Variants in ROBO1 observed in about 807,000 individuals in gnomAD.
ROBO1 encodes roundabout homolog 1.
In ROBO1, 149 loss-of-function variants were observed where a neutral mutation model predicts 195.9. The ratio of observed to expected loss-of-function variants is 0.76; its 90% confidence interval spans 0.67 to 0.87. The LOEUF (loss-of-function observed/expected upper bound fraction) is 0.87, where lower values mean the gene tolerates loss of function less well. Among genes scored for constraint, ROBO1 ranks in the 40% least tolerant of loss-of-function variants. The pLI is 0.00. For synonymous variants in ROBO1, 816 were observed against 733.2 expected, an observed-to-expected ratio of 1.11 and a Z score of -1.82; for missense variants, 1,933 against 2,068.3, an observed-to-expected ratio of 0.93 and a Z score of 1.27.
intron 1 of ROBO1, among the ~76,000 whole-genome samples, chr3:79,663,447 T>C (rs1259578604): frequency 6.6e-6 from 1 of 152,048 alleles, no homozygotes; most frequent in Non-Finnish European, 1.5e-5. Context: ...TGGTAATTCC[T>C]CTCATTCTCT....
chr3:79,013,510 T>C (rs1392410201), intron 3 of ROBO1, among the ~76,000 whole-genome samples: 1 of 152,202 alleles, frequency 6.6e-6, no homozygotes, highest in Non-Finnish European at 1.5e-5. Flanking sequence ...TTCTCAAGTG[T>C]TCAAACCACA....
At chr3:79,068,110 A>G (rs1481081074) in intron 3 of ROBO1, among the ~76,000 whole-genome samples, 1 of 151,970 alleles carries the variant, frequency 6.6e-6, no homozygotes, top group Non-Finnish European at 1.5e-5. Flanking sequence ...TATTGGCCAC[A>G]TGAACAATCC....
At chr3:79,293,080 C>T (rs1406942815) in intron 2 of ROBO1, among the ~76,000 whole-genome samples, 1 of 152,116 alleles carries the variant, frequency 6.6e-6, no homozygotes, top group Non-Finnish European at 1.5e-5. Context: ...TTCAGGGATT[C>T]GTCTTCTTCC....
In ROBO1 at chr3:78,874,064, G is replaced by C. The variant is rs181647478; in HGVS notation, c.499+64537C>G. ...ACTTCAATTACTAACCTTAAAGTAT[G>C]AGCAACGGGCATAAGCAAAGATTTT... On this transcript the variant is annotated intron_variant, in intron 4 of 30. Coordinates refer to ENST00000464233, the MANE Select transcript of ROBO1 (RefSeq NM_002941.4). Among the ~76,000 whole-genome samples the C allele has an allele frequency of 1.5e-3, 235 of 151,750 alleles. 2 individuals are homozygous for C. Among genetic ancestry groups the C allele is most frequent in the African/African-American group, 5.4e-3 (225 of 41,442 alleles).
In ROBO1 at chr3:79,531,466, A is replaced by G. The variant is rs373113279; in HGVS notation, c.88+58358T>C. On this transcript the variant is annotated intron_variant, in intron 2 of 30. Coordinates refer to ENST00000464233, the MANE Select transcript of ROBO1 (RefSeq NM_002941.4). ...TCAAAACCCCATCTCTACTAAAAAT[A>G]CAAACAATTAACCAGGCTTGGTGGT... is the stretch of plus-strand genomic sequence containing the variant. Among the ~76,000 whole-genome samples, 22 of 152,168 alleles carry G rather than the reference A, an allele frequency of 1.4e-4. No homozygotes were observed. The East Asian group carries it at 2.9e-3, about 20-fold the overall frequency.
intron 2 of ROBO1, among the ~76,000 whole-genome samples, chr3:79,449,502 A>G (rs2107186691): frequency 6.6e-6 from 1 of 152,290 alleles, no homozygotes; most frequent in African/African-American, 2.4e-5. Flanking sequence ...GAAAATAAAA[A>G]CGACCCTGTG....
At chr3:79,634,102 G>C (rs769135968) in intron 1 of ROBO1, among the ~76,000 whole-genome samples, 3 of 152,168 alleles carry the variant, frequency 2.0e-5, no homozygotes, top group Non-Finnish European at 2.9e-5. Context: ...GAGAGAGAAG[G>C]CTGTTGCTAA....
chr3:79,614,480 T>TA (rs1467168862), intron 1 of ROBO1, among the ~76,000 whole-genome samples: 1 of 152,098 alleles, frequency 6.6e-6, no homozygotes, highest in Non-Finnish European at 1.5e-5. Flanking sequence ...AGAGTAAAAT[T>TA]TAAAGCATTA....
At chr3:79,577,965 G>A (rs1301961595) in intron 2 of ROBO1, among the ~76,000 whole-genome samples, 1 of 151,606 alleles carries the variant, frequency 6.6e-6, no homozygotes. Context: ...CTCTTAATAA[G>A]TAGACAACCA....
intron 2 of ROBO1, among the ~76,000 whole-genome samples, chr3:79,343,867 T>C (rs762053309): frequency 1.1e-4 from 17 of 152,202 alleles, no homozygotes; most frequent in Non-Finnish European, 2.5e-4. Context: ...ACACTCTCTA[T>C]GGTCCTTGGG....
rs183450462 is a variant in ROBO1 at position 79,415,464 on chromosome 3, C to T, written c.88+174360G>A. ...TAAATAAGTACATGTGGGGCAAAAACGAGACAAGCAGAAAATGGGTGTAGT... is the reference window on the plus strand; with the variant it reads ...TAAATAAGTACATGTGGGGCAAAAATGAGACAAGCAGAAAATGGGTGTAGT... On this transcript the variant is annotated intron_variant, in intron 2 of 30. Transcript: ENST00000464233. Among the ~76,000 whole-genome samples the T allele has an allele frequency of 1.6e-3, 241 of 152,000 alleles. 1 individual carries two copies. Among genetic ancestry groups the T allele is most frequent in the Middle Eastern group, 3.4e-3 (1 of 294 alleles).
At chr3:78,934,470 C>T (rs917583466) in intron 4 of ROBO1, among the ~76,000 whole-genome samples, 2 of 151,616 alleles carry the variant, frequency 1.3e-5, no homozygotes, top group African/African-American at 4.8e-5. Context: ...GTAAAGGAAA[C>T]AAGGAATATT....
At chr3:78,701,451 T>C (rs1479548999) in intron 8 of ROBO1, among the ~76,000 whole-genome samples, 1 of 152,192 alleles carries the variant, frequency 6.6e-6, no homozygotes, top group Non-Finnish European at 1.5e-5. Context: ...TGAAAGGAAA[T>C]GCTTTATAAG....
intron 2 of ROBO1, among the ~76,000 whole-genome samples, chr3:79,242,098 C>A (rs2082530296): frequency 6.6e-6 from 1 of 151,576 alleles, no homozygotes; most frequent in Non-Finnish European, 1.5e-5. Flanking sequence ...CCTTTTTGCT[C>A]CCTTTATATG....
chr3:79,348,808 C>T (rs75235516), intron 2 of ROBO1, among the ~76,000 whole-genome samples: 11,090 of 152,140 alleles, frequency 0.073, 451 homozygotes, highest in Middle Eastern at 0.099. Context: ...TGATTATATG[C>T]TTCTTCCTAT....
At chr3:79,138,674 T>C (rs999905880) in intron 2 of ROBO1, among the ~76,000 whole-genome samples, 4 of 151,858 alleles carry the variant, frequency 2.6e-5, no homozygotes, top group Non-Finnish European at 5.9e-5. Flanking sequence ...ACAAACTGGA[T>C]ATAAAATGTA....
At chr3:78,895,876 T>C (rs760787777) in intron 4 of ROBO1, among the ~76,000 whole-genome samples, 1 of 152,202 alleles carries the variant, frequency 6.6e-6, no homozygotes, top group Non-Finnish European at 1.5e-5. Context: ...TTTTACTGAA[T>C]TGGGACTCTC....
intron 3 of ROBO1, among the ~76,000 whole-genome samples, chr3:79,067,074 T>C (rs911627589): frequency 6.6e-6 from 1 of 151,996 alleles, no homozygotes; most frequent in African/African-American, 2.4e-5. Flanking sequence ...AAGTCTTTCA[T>C]ACATGGAAAA....
intron 2 of ROBO1, among the ~76,000 whole-genome samples, chr3:79,381,741 C>T (rs2130375): frequency 0.066 from 10,030 of 151,874 alleles, 404 homozygotes; most frequent in East Asian, 0.14. Context: ...TATTAGTTTT[C>T]CTACAGAAAA....
Sources: gnomAD v4.1 joint callset for allele counts (sites outside exome capture counted in the v4.1 genomes callset) on GRCh38, gnomAD v4.1.1 for gene constraint, MANE v1.5 for transcripts, NCBI Gene and HGNC (gene_info 2026-07-23, HGNC 2026-07-21) for gene names.